The following TGIF1 variants were observed in gnomAD, a reference collection of about 807,000 sequenced individuals.
The protein encoded by TGIF1 is TGFB induced factor homeobox 1.
In TGIF1, 4 loss-of-function variants were observed where a neutral mutation model predicts 19.3. That is an observed-to-expected ratio of 0.21 (90% confidence interval 0.10 to 0.47). The LOEUF is 0.47. Among genes scored for constraint, TGIF1 ranks in the 20% least tolerant of loss-of-function variants. The probability of loss-of-function intolerance (pLI) is 0.98; values close to 1 mark genes in which losing one functional copy is unlikely to be tolerated. For missense variants in TGIF1, 275 were observed against 341.4 expected (o/e 0.81, Z 1.53); for synonymous variants, 122 against 129.3 (o/e 0.94, Z 0.38).
chr18:3,451,681 G>A lies in TGIF1; in HGVS notation c.16+1176G>A. ...TTCCTTCGGCTGCGTTTCTGTGGGA[G>A]GCCCTGAAACGCGCGGAGCTTCCCT... On this transcript the variant is annotated intron_variant, in intron 1 of 2. Transcript: ENST00000343820. The surrounding 1 kb of genome is among the most constrained non-coding windows in gnomAD (Gnocchi z 5.4). 2 of 1,181,624 alleles carry A rather than the reference G, an allele frequency of 1.7e-6. No homozygotes were observed. The highest frequency in any genetic ancestry group is 2.1e-6 in the Non-Finnish European group (2 of 955,998). The allele number at this position is 1,181,624 out of a possible 1,614,324, so 73.2% of individuals were successfully genotyped here.
chr18:3,444,322 C>G (rs1367239061), intron 2 of TGIF1, among the ~76,000 whole-genome samples: 1 of 127,278 alleles, frequency 7.9e-6, no homozygotes, highest in Admixed American at 8.5e-5. Flanking sequence ...AATTTTTTAA[C>G]TTTAATTTAC....
At chr18:3,439,756 C>T (rs1286063185) in intron 2 of TGIF1, among the ~76,000 whole-genome samples, 1 of 152,026 alleles carries the variant, frequency 6.6e-6, no homozygotes, top group East Asian at 1.9e-4. Flanking sequence ...CGTGGCACCT[C>T]ATGCCTGTAA....
At position 3,451,862 on chromosome 18, in the gene TGIF1, GTCCGA is replaced by G. The variant is rs1221483652; in HGVS notation, c.16+1358_16+1362del. Reference sequence around the variant, plus strand: ...CCCTGGGAGAAAACGCGCGGGGGGCGTCCGAGACGCCCCGTGAAAGCCGTGCCGAC... The same window carrying G: ...CCCTGGGAGAAAACGCGCGGGGGGCGGACGCCCCGTGAAAGCCGTGCCGAC... On this transcript the variant is annotated intron_variant, in intron 1 of 2. Transcript: ENST00000343820. The surrounding 1 kb of genome is among the most constrained non-coding windows in gnomAD (Gnocchi z 5.4). The G allele has an allele frequency of 1.4e-6, 2 of 1,410,264 alleles. No homozygotes were observed. The highest frequency in any genetic ancestry group is 1.5e-5 in the African/African-American group (1 of 68,054). The allele number at this position is 1,410,264 out of a possible 1,614,324, so 87.4% of individuals were successfully genotyped here. A position where few individuals can be genotyped will look rare whatever the true frequency, so the allele number is the denominator to read the frequency against.
upstream of TGIF1, chr18:3,449,721 C>A (rs1451633256): frequency 4.1e-6 from 4 of 985,348 alleles, no homozygotes; most frequent in Non-Finnish European, 4.8e-6. Flanking sequence ...GCGGCTGTCT[C>A]GTGCGGCTAG....
intron 1 of TGIF1, among the ~76,000 whole-genome samples, chr18:3,414,733 A>T (rs1052109880): frequency 2.6e-5 from 4 of 151,904 alleles, no homozygotes; most frequent in African/African-American, 7.3e-5. Flanking sequence ...AATTTCAAGA[A>T]TTTTTTTTCA....
intron 2 of TGIF1, among the ~76,000 whole-genome samples, chr18:3,428,236 G>A (rs1187125201): frequency 1.3e-5 from 2 of 152,078 alleles, no homozygotes; most frequent in African/African-American, 2.4e-5. Context: ...TGGTAATTTT[G>A]TCAGAACTTG....
chr18:3,417,925 C>T (rs2082353597), intron 1 of TGIF1, among the ~76,000 whole-genome samples: 1 of 151,982 alleles, frequency 6.6e-6, no homozygotes, highest in Non-Finnish European at 1.5e-5. Flanking sequence ...ATAGCAAGAC[C>T]CCATCTCTAC....
At chr18:3,423,557 T>C (rs1426208047) in intron 2 of TGIF1, among the ~76,000 whole-genome samples, 1 of 151,970 alleles carries the variant, frequency 6.6e-6, no homozygotes, top group Non-Finnish European at 1.5e-5. Context: ...GTCGGGCGCC[T>C]GTGATCCCAG....
At chr18:3,432,753 C>CT in intron 2 of TGIF1, among the ~76,000 whole-genome samples, 1 of 151,026 alleles carries the variant, frequency 6.6e-6, no homozygotes, top group East Asian at 1.9e-4. Context: ...TCAGACTTTT[C>CT]TTTTTTTGTT....
chr18:3,446,327 T>G (rs548047445), upstream of TGIF1, among the ~76,000 whole-genome samples: 1 of 152,136 alleles, frequency 6.6e-6, no homozygotes, highest in East Asian at 1.9e-4. Context: ...GGGACTACAG[T>G]CACACGCCAC....
chr18:3,448,196 G>A (rs1044668287), upstream of TGIF1: 38 of 985,128 alleles, frequency 3.9e-5, no homozygotes, highest in Non-Finnish European at 4.2e-5. Flanking sequence ...TAACCGCCCG[G>A]TTCCAGACGA....
chr18:3,456,519 C>G lies in TGIF1; in HGVS notation c.182C>G (p.Ala61Gly). 1 of 1,614,228 alleles carries G rather than the reference C, an allele frequency of 6.2e-7. No individual in the cohort carries two copies. Among genetic ancestry groups the G allele is most frequent in the Non-Finnish European group, 8.5e-7 (1 of 1,180,046 alleles). ...TGGCTGTATGAGCACCGTTACAATG[C>G]CTATCCTTCAGAGCAAGAAAAAGCG... is the stretch of plus-strand genomic sequence containing the variant. The part of the protein sequence containing the change: ...RDWLYEHRYN[A>G]YPSEQEKALL... Residue 61 changes from alanine to glycine, a missense_variant, in exon 2 of 3, where the codon GCC (alanine) becomes GGC (glycine). Physicochemically the swap from Ala to Gly is moderately conservative, Grantham distance 60 (BLOSUM62 0). Transcript: ENST00000343820. The surrounding 1 kb of genome is among the most constrained non-coding windows in gnomAD (Gnocchi z 4.2).
chr18:3,449,651 G>A, upstream of TGIF1: 1 of 985,376 alleles, frequency 1.0e-6, no homozygotes, highest in African/African-American at 1.7e-5. Context: ...GCGCATTCTG[G>A]AAGAAGTTGG....
upstream of TGIF1, chr18:3,449,969 G>A: frequency 2.0e-6 from 2 of 987,668 alleles, no homozygotes; most frequent in Non-Finnish European, 2.4e-6. Flanking sequence ...AGGCGGAAAG[G>A]ATCGTGTTTC....
Position 3,451,702 on chromosome 18 carries a change from T to A in TGIF1, c.16+1197T>A. ...GGGAGGCCCTGAAACGCGCGGAGCT[T>A]CCCTCTGCCTCCAGGCTTTCCCAGC... On this transcript the variant is annotated intron_variant, in intron 1 of 2. Coordinates refer to ENST00000343820, the MANE Select transcript of TGIF1 (RefSeq NM_003244.4). This position sits in a 1 kb window ranked among gnomAD's most constrained non-coding sequence, Gnocchi z 5.4. 1.6e-6 allele frequency: 2 copies of A among 1,215,450 alleles called. No individual in the cohort carries two copies. The highest frequency in any genetic ancestry group is 3.9e-5 in the South Asian group (1 of 25,778). 75.3% of individuals were successfully genotyped at this position (1,215,450 alleles called of 1,614,324 possible). A position where few individuals can be genotyped will look rare whatever the true frequency, so the allele number is the denominator to read the frequency against.
chr18:3,456,134 C>G lies in TGIF1; in HGVS notation c.17-220C>G, dbSNP rs575343271. On this transcript the variant is annotated intron_variant, in intron 1 of 2. Coordinates refer to ENST00000343820, the MANE Select transcript of TGIF1 (RefSeq NM_003244.4). This position sits in a 1 kb window ranked among gnomAD's most constrained non-coding sequence, Gnocchi z 4.2. Reference sequence around the variant, plus strand: ...GTTAATGAATCCTAGAGGAAAGCGGCTGAGAAAAGGCATCTGGCATTTGGT... The same window carrying G: ...GTTAATGAATCCTAGAGGAAAGCGGGTGAGAAAAGGCATCTGGCATTTGGT... 1.1e-5 allele frequency: 7 copies of G among 622,282 alleles called. No individual in the cohort carries two copies. The highest frequency in any genetic ancestry group is 2.7e-5 in the Admixed American group (1 of 37,338). 38.5% of individuals were successfully genotyped at this position (622,282 alleles called of 1,614,324 possible).
chr18:3,452,284 C>G (rs1224879655), intron 1 of TGIF1: 3 of 1,610,734 alleles, frequency 1.9e-6, no homozygotes, highest in Admixed American at 1.7e-5. Flanking sequence ...GGGACCAAGG[C>G]TGGGCCCCGC....
intron 2 of TGIF1, among the ~76,000 whole-genome samples, chr18:3,435,197 A>ATTTTTT: frequency 6.7e-6 from 1 of 150,112 alleles, no homozygotes; most frequent in Non-Finnish European, 1.5e-5. Context: ...AACCCTATAT[A>ATTTTTT]TATTTTTTTT....
upstream of TGIF1, chr18:3,447,667 C>G (rs1385663850): frequency 1.4e-5 from 22 of 1,577,836 alleles, no homozygotes. Flanking sequence ...GGGCTGTAAG[C>G]TTTCGCTACA....
Sources: allele counts gnomAD v4.1 joint callset (sites outside exome capture counted in the v4.1 genomes callset), GRCh38; gene constraint gnomAD v4.1.1; non-coding constraint Gnocchi (gnomAD v3.1); transcripts MANE v1.5; gene names NCBI Gene and HGNC (gene_info 2026-07-23, HGNC 2026-07-21).